ELP2: variants seen among roughly 807,000 people sequenced by gnomAD.
ELP2 encodes elongator complex protein 2.
ELP2 carries 90 observed loss-of-function variants against 119.2 expected under a neutral mutation model. That is an observed-to-expected ratio of 0.75 (90% CI 0.64 to 0.90). The LOEUF is 0.90. Ranked by LOEUF, ELP2 falls within the 40% of genes least tolerant of loss-of-function variation. ELP2 has a pLI of 0.00. For synonymous variants in ELP2, 339 were observed against 331.0 expected (o/e 1.02, Z -0.26); for missense variants, 921 against 967.8 (o/e 0.95, Z 0.64).
chr18:36,171,115 T>C lies in ELP2; in HGVS notation c.2279T>C (p.Val760Ala), dbSNP rs763439273. Residue 760 changes from valine to alanine, a missense_variant, in exon 21 of 22, where the codon GTT becomes GCT. By Grantham distance (64) the Val-to-Ala change is moderately conservative (BLOSUM62 0). Transcript: ENST00000358232. ...CLYTWKKTDQ[V>A]PEINDWTHCV... is the part of the protein sequence containing the mutation. ...TATACCTGGAAAAAGACTGATCAAG[T>C]TCCAGAAATAAATGACTGGACCCAC... is the stretch of plus-strand genomic sequence containing the variant. 1 of 1,614,124 alleles carries C rather than the reference T, an allele frequency of 6.2e-7. No individual in the cohort carries two copies. Among genetic ancestry groups the C allele is most frequent in the Non-Finnish European group, 8.5e-7 (1 of 1,179,928 alleles).
At chr18:36,131,014 T>A (rs891852139) in intron 1 of ELP2, among the ~76,000 whole-genome samples, 8 of 147,408 alleles carry the variant, frequency 5.4e-5, no homozygotes, top group African/African-American at 1.7e-4. Context: ...ACAAAAAGTT[T>A]AAAAAAAAAA....
At position 36,159,957 on chromosome 18, in the gene ELP2, G is replaced by T. The variant is rs778599887; in HGVS notation, c.1631-1G>T. 6.2e-7 allele frequency: 1 copy of T among 1,613,870 alleles called. No homozygotes were observed. The highest frequency in any genetic ancestry group is 8.5e-7 in the Non-Finnish European group (1 of 1,179,960). ...AAAAAAATAGCTTCAATTTATTCTAGAGCCTCCCACTGAGGATCATCTTCT... is the reference window on the plus strand; with the variant it reads ...AAAAAAATAGCTTCAATTTATTCTATAGCCTCCCACTGAGGATCATCTTCT... On this transcript the variant is annotated splice_acceptor_variant, in intron 15 of 21. Transcript: ENST00000358232. LOFTEE classifies it high-confidence loss of function.
At chr18:36,165,873 C>G (rs981277834) in intron 18 of ELP2, among the ~76,000 whole-genome samples, 17 of 151,968 alleles carry the variant, frequency 1.1e-4, no homozygotes, top group African/African-American at 3.9e-4. Flanking sequence ...CAGAGCAAGA[C>G]CCCATCTTAA....
At chr18:36,130,715 T>G (rs990135254) in intron 1 of ELP2, among the ~76,000 whole-genome samples, 2 of 152,188 alleles carry the variant, frequency 1.3e-5, no homozygotes, top group Non-Finnish European at 2.9e-5. Flanking sequence ...TCCCCGGAAT[T>G]CATTATAACT....
intron 19 of ELP2, 135 bp downstream of exon 19, chr18:36,167,357 C>T (rs1266654199): frequency 3.4e-6 from 2 of 592,026 alleles, no homozygotes; most frequent in Non-Finnish European, 5.4e-6. Flanking sequence ...TTCTGTTTTT[C>T]GTATATGTAC....
intron 17 of ELP2, among the ~76,000 whole-genome samples, chr18:36,162,732 C>G (rs1211453681): frequency 6.6e-6 from 1 of 152,174 alleles, no homozygotes; most frequent in African/African-American, 2.4e-5. Context: ...TAGTATCAGT[C>G]TTTTTAACTT....
intron 13 of ELP2, among the ~76,000 whole-genome samples, chr18:36,158,320 T>A (rs2090630900): frequency 6.6e-6 from 1 of 152,224 alleles, no homozygotes; most frequent in South Asian, 2.1e-4. Context: ...TATTGCCTTT[T>A]CAAATGACAC....
chr18:36,131,797 A>G (rs1383010413), intron 1 of ELP2, among the ~76,000 whole-genome samples: 1 of 152,200 alleles, frequency 6.6e-6, no homozygotes, highest in Non-Finnish European at 1.5e-5. Flanking sequence ...CAGCAGTTGA[A>G]TGGATTTGTT....
chr18:36,139,561 C>T lies in ELP2; in HGVS notation c.523+689C>T, dbSNP rs1418375371. The stretch of plus-strand genomic sequence containing the variant: ...AGGCTCTGTGGAAGGAGAAGCTGCA[C>T]ACATTCTGGCATCATAACAGAATTT... On this transcript the variant is annotated intron_variant, in intron 5 of 21. Coordinates refer to ENST00000358232, the MANE Select transcript of ELP2 (RefSeq NM_018255.4). 7 of 1,535,452 alleles carry T rather than the reference C, an allele frequency of 4.6e-6. No individual in the cohort carries two copies. In the African/African-American group the frequency reaches 8.2e-5, roughly 18 times the overall value.
Position 36,175,793 on chromosome 18 carries a change from C to T in ELP2, c.*1152C>T, listed in dbSNP as rs747741133. The T allele has an allele frequency of 5.9e-5, 9 of 151,522 alleles. No homozygotes were observed. The highest frequency in any genetic ancestry group is 1.3e-4 in the Non-Finnish European group (9 of 67,988). 9.4% of individuals were successfully genotyped at this position (151,522 alleles called of 1,614,324 possible). ...GGTGTGAGCAGGGGACTACTCCAGCCCTGTTGGAACATAGAGCCATTTGGC... is the reference window on the plus strand; with the variant it reads ...GGTGTGAGCAGGGGACTACTCCAGCTCTGTTGGAACATAGAGCCATTTGGC... On this transcript the variant is annotated 3_prime_UTR_variant, in exon 22 of 22. Coordinates refer to ENST00000358232, the MANE Select transcript of ELP2 (RefSeq NM_018255.4).
intron 2 of ELP2, 90 bp from the exon 3 acceptor site, chr18:36,136,216 CA>C (rs1176495548): frequency 7.8e-6 from 7 of 902,992 alleles, no homozygotes; most frequent in Non-Finnish European, 9.3e-6. Context: ...GTAGAGGGTA[CA>C]GGGGTATTGT....
Position 36,158,813 on chromosome 18 carries a change from GATATT to G in ELP2, c.1465-16_1465-12del. Reference sequence around the variant, plus strand: ...ATAAAACTTTAGCATTTATAACTTAGATATTATATTTTCTATTCTAGCAAGATAGT... The same window carrying G: ...ATAAAACTTTAGCATTTATAACTTAGATATTTTCTATTCTAGCAAGATAGT... On this transcript the variant is annotated splice_polypyrimidine_tract_variant and intron_variant, in intron 13 of 21. Coordinates refer to ENST00000358232, the MANE Select transcript of ELP2 (RefSeq NM_018255.4). 1 of 1,492,254 alleles carries G rather than the reference GATATT, an allele frequency of 6.7e-7. No individual in the cohort carries two copies. The highest frequency in any genetic ancestry group is 9.3e-7 in the Non-Finnish European group (1 of 1,071,158). 92.4% of individuals were successfully genotyped at this position (1,492,254 alleles called of 1,614,324 possible). A position where few individuals can be genotyped will look rare whatever the true frequency, so the allele number is the denominator to read the frequency against.
intron 8 of ELP2, 131 bp from the exon 9 acceptor site, chr18:36,144,808 T>G: frequency 1.4e-6 from 1 of 709,076 alleles, no homozygotes; most frequent in South Asian, 1.7e-5. Flanking sequence ...GCATGTTCTT[T>G]TTTTGAATCC....
At chr18:36,159,553 G>A (rs947554885) in intron 14 of ELP2, among the ~76,000 whole-genome samples, 182 bp from the exon 15 acceptor site, 3 of 152,180 alleles carry the variant, frequency 2.0e-5, no homozygotes, top group African/African-American at 4.8e-5. Flanking sequence ...AATGCTGCCA[G>A]GAGCATGTTT....
intron 14 of ELP2, among the ~76,000 whole-genome samples, chr18:36,159,111 TC>T (rs2090654670): frequency 6.9e-6 from 1 of 145,474 alleles, no homozygotes; most frequent in African/African-American, 2.5e-5. Context: ...GCATGTTTTT[TC>T]CCTTTTTTTT....
At chr18:36,135,710 A>G (rs948416) in intron 2 of ELP2, among the ~76,000 whole-genome samples, 47,185 of 152,048 alleles carry the variant, frequency 0.31, 7,798 homozygotes, top group Middle Eastern at 0.42. Context: ...TGTTTCATAT[A>G]ATGTTCCTGC....
chr18:36,173,701 G>A (rs1568033611), intron 21 of ELP2, among the ~76,000 whole-genome samples: 3 of 152,192 alleles, frequency 2.0e-5, no homozygotes, highest in African/African-American at 7.2e-5. Flanking sequence ...GACAGGGACT[G>A]TCAGCAAATG....
Position 36,176,893 on chromosome 18 carries a change from G to A in ELP2, c.*2252G>A, listed in dbSNP as rs2091234955. ...CAGGCTATTACTAAATGGTGGTGGT[G>A]GTTTTATCTTAATTAAAATGACATC... On this transcript the variant is annotated 3_prime_UTR_variant, in exon 22 of 22. Transcript: ENST00000358232. The A allele has an allele frequency of 6.6e-6, 1 of 152,056 alleles. No individual in the cohort carries two copies. Among genetic ancestry groups the A allele is most frequent in the South Asian group, 2.1e-4 (1 of 4,820 alleles). 9.4% of individuals were successfully genotyped at this position (152,056 alleles called of 1,614,324 possible).
rs1407225312 is a variant in ELP2, at chr18:36,175,392, C to T, written c.*751C>T. The T allele has an allele frequency of 1.3e-5, 2 of 152,198 alleles. No homozygotes were observed. Among genetic ancestry groups the T allele is most frequent in the African/African-American group, 4.8e-5 (2 of 41,454 alleles). 9.4% of individuals were successfully genotyped at this position (152,198 alleles called of 1,614,324 possible). On this transcript the variant is annotated 3_prime_UTR_variant, in exon 22 of 22. Coordinates refer to ENST00000358232, the MANE Select transcript of ELP2 (RefSeq NM_018255.4). Reference sequence around the variant, plus strand: ...GTGCTCTGTCTTGATCCCCTTCTTTCTAGCATCTGCCAGACATTGTAGAGT... The same window carrying T: ...GTGCTCTGTCTTGATCCCCTTCTTTTTAGCATCTGCCAGACATTGTAGAGT...
Sources: gnomAD v4.1 joint callset for allele counts (sites outside exome capture counted in the v4.1 genomes callset) on GRCh38, gnomAD v4.1.1 for gene constraint, MANE v1.5 for transcripts, NCBI Gene and HGNC (gene_info 2026-07-23, HGNC 2026-07-21) for gene names.